The following ADGRB3 variants were observed in gnomAD, a reference collection of about 807,000 sequenced individuals.
ADGRB3 encodes brain-specific angiogenesis inhibitor 3.
In ADGRB3, 37 loss-of-function variants were observed where a neutral mutation model predicts 193.4. The observed-to-expected ratio is 0.19, with a 90% confidence interval of 0.15 to 0.25. The LOEUF is 0.25. Among genes scored for constraint, ADGRB3 ranks in the 10% least tolerant of loss-of-function variants. The probability of loss-of-function intolerance (pLI) is 1.00; values close to 1 mark genes in which losing one functional copy is unlikely to be tolerated. For synonymous variants in ADGRB3, 690 were observed against 644.2 expected (o/e 1.07, Z -1.08); for missense variants, 1,637 against 1,852.9 (o/e 0.88, Z 2.14).
intron 13 of ADGRB3, among the ~76,000 whole-genome samples, chr6:69,046,301 A>G (rs1468131852): frequency 6.6e-5 from 10 of 152,164 alleles, no homozygotes; most frequent in African/African-American, 2.4e-4. Context: ...ACCCCAAGAC[A>G]TCAAAAGTTA....
chr6:68,784,494 T>C (rs1401533014), intron 3 of ADGRB3, among the ~76,000 whole-genome samples: 1 of 152,194 alleles, frequency 6.6e-6, no homozygotes, highest in Non-Finnish European at 1.5e-5. Context: ...ATTTTCCTTG[T>C]ATATCTACAT....
chr6:69,091,279 C>T (rs1298378128), intron 17 of ADGRB3, among the ~76,000 whole-genome samples: 1 of 152,160 alleles, frequency 6.6e-6, no homozygotes, highest in Admixed American at 6.5e-5. Context: ...CTCAGCAATT[C>T]TATTACTGGA....
At chr6:69,181,369 A>C (rs1356771269) in intron 17 of ADGRB3, among the ~76,000 whole-genome samples, 1 of 152,092 alleles carries the variant, frequency 6.6e-6, no homozygotes, top group Non-Finnish European at 1.5e-5. Context: ...TATTTTTTTA[A>C]AAAAATACAT....
intron 13 of ADGRB3, among the ~76,000 whole-genome samples, chr6:69,028,610 T>C (rs1770511116): frequency 6.6e-6 from 1 of 152,174 alleles, no homozygotes; most frequent in African/African-American, 2.4e-5. Flanking sequence ...AAATTTATCT[T>C]ATCTGTTTTA....
intron 13 of ADGRB3, among the ~76,000 whole-genome samples, chr6:69,046,114 G>A (rs1771229718): frequency 6.6e-6 from 1 of 152,060 alleles, no homozygotes; most frequent in Non-Finnish European, 1.5e-5. Flanking sequence ...ATGCCTTTCT[G>A]TTTGTTTTTT....
At chr6:69,172,601 G>T (rs1368132330) in intron 17 of ADGRB3, among the ~76,000 whole-genome samples, 9 of 119,762 alleles carry the variant, frequency 7.5e-5, no homozygotes, top group African/African-American at 2.9e-4. Context: ...TCGAGATTGC[G>T]CCACTGCACT....
At chr6:68,652,664 G>C (rs2802692) in intron 3 of ADGRB3, among the ~76,000 whole-genome samples, 88,520 of 151,888 alleles carry the variant, frequency 0.58, 26,056 homozygotes, top group African/African-American at 0.64. Flanking sequence ...TATTCAGAAG[G>C]CTTAATTTTA....
intron 3 of ADGRB3, among the ~76,000 whole-genome samples, chr6:68,695,875 C>T (rs1448684633): frequency 2.0e-5 from 3 of 151,938 alleles, no homozygotes; most frequent in South Asian, 2.1e-4. Context: ...AAAATAACTG[C>T]GTGTGACACA....
chr6:69,089,892 A>G (rs1772657229), intron 17 of ADGRB3, among the ~76,000 whole-genome samples: 1 of 152,182 alleles, frequency 6.6e-6, no homozygotes, highest in African/African-American at 2.4e-5. Context: ...AATGTTCGTG[A>G]GGGTGGGGAG....
At chr6:68,847,326 G>A (rs1191350166) in intron 3 of ADGRB3, among the ~76,000 whole-genome samples, 1 of 152,108 alleles carries the variant, frequency 6.6e-6, no homozygotes, top group Non-Finnish European at 1.5e-5. Context: ...GGAATGTTGG[G>A]AAGGCATGAT....
At chr6:68,779,128 A>T (rs1766805799) in intron 3 of ADGRB3, among the ~76,000 whole-genome samples, 1 of 151,878 alleles carries the variant, frequency 6.6e-6, no homozygotes, top group South Asian at 2.1e-4. Flanking sequence ...ACACACACAC[A>T]CTCACACATA....
At chr6:69,206,044 G>GATATAT (rs1561952181) in intron 17 of ADGRB3, among the ~76,000 whole-genome samples, 1 of 43,672 alleles carries the variant, frequency 2.3e-5, no homozygotes, top group Non-Finnish European at 4.2e-5. Flanking sequence ...ATATAATAAT[G>GATATAT]GTATATATAT....
At chr6:69,026,258 G>T (rs1271323659) in intron 13 of ADGRB3, among the ~76,000 whole-genome samples, 6 of 152,186 alleles carry the variant, frequency 3.9e-5, no homozygotes. Context: ...CGAGTCAAGA[G>T]AGCAGTGTCA....
At chr6:69,314,446 G>A (rs1768269072) in intron 20 of ADGRB3, among the ~76,000 whole-genome samples, 1 of 151,556 alleles carries the variant, frequency 6.6e-6, no homozygotes, top group Non-Finnish European at 1.5e-5. Flanking sequence ...TCTGTTCAGA[G>A]TTAGTCTTGT....
At chr6:68,686,637 G>A (rs1344548742) in intron 3 of ADGRB3, among the ~76,000 whole-genome samples, 2 of 152,118 alleles carry the variant, frequency 1.3e-5, no homozygotes, top group Non-Finnish European at 2.9e-5. Context: ...TCAAAATCGG[G>A]TAAGCTGAAC....
chr6:69,295,831 A>G (rs1202328286), intron 20 of ADGRB3, among the ~76,000 whole-genome samples: 1 of 152,172 alleles, frequency 6.6e-6, no homozygotes, highest in African/African-American at 2.4e-5. Flanking sequence ...CCTCACTGCC[A>G]TGAATTGAAG....
chr6:69,053,037 T>A (rs889793287), intron 15 of ADGRB3, among the ~76,000 whole-genome samples: 1 of 152,056 alleles, frequency 6.6e-6, no homozygotes, highest in Non-Finnish European at 1.5e-5. Flanking sequence ...AATACAAAAA[T>A]TAGCCGTGCA....
At chr6:69,368,291 G>A (rs1769626845) in intron 29 of ADGRB3, among the ~76,000 whole-genome samples, 1 of 152,156 alleles carries the variant, frequency 6.6e-6, no homozygotes, top group Non-Finnish European at 1.5e-5. Flanking sequence ...TTGGATAACA[G>A]TCAGAAAGCT....
chr6:69,106,688 A>G (rs981634315), intron 17 of ADGRB3, among the ~76,000 whole-genome samples: 3 of 152,188 alleles, frequency 2.0e-5, no homozygotes, highest in African/African-American at 7.2e-5. Flanking sequence ...TCCCCAAGGG[A>G]CTTGTGTAAA....
Sources: allele counts gnomAD v4.1 joint callset (sites outside exome capture counted in the v4.1 genomes callset), GRCh38; gene constraint gnomAD v4.1.1; transcripts MANE v1.5; gene names NCBI Gene and HGNC (gene_info 2026-07-23, HGNC 2026-07-21).